FAM168A: variants seen among roughly 807,000 people sequenced by gnomAD.
FAM168A encodes the protein protein FAM168A.
In FAM168A, 3 loss-of-function variants were observed where a neutral mutation model predicts 28.5. That is an observed-to-expected ratio of 0.11 (90% confidence interval 0.05 to 0.27). The LOEUF is 0.27. Ranked by LOEUF, FAM168A falls within the 10% of genes least tolerant of loss-of-function variation. The probability of loss-of-function intolerance (pLI) is 1.00; values close to 1 mark genes in which losing one functional copy is unlikely to be tolerated. For synonymous variants in FAM168A, 122 were observed against 124.2 expected (o/e 0.98, Z 0.12); for missense variants, 222 against 311.5 (o/e 0.71, Z 2.16).
At chr11:73,497,007 T>G (rs1854903501) in intron 1 of FAM168A, among the ~76,000 whole-genome samples, 1 of 152,144 alleles carries the variant, frequency 6.6e-6, no homozygotes, top group African/African-American at 2.4e-5. Flanking sequence ...CCCACGTATT[T>G]TTGAAAAATG....
At chr11:73,475,677 C>G (rs1867878538) in intron 1 of FAM168A, among the ~76,000 whole-genome samples, 1 of 151,950 alleles carries the variant, frequency 6.6e-6, no homozygotes, top group Non-Finnish European at 1.5e-5. Flanking sequence ...TATGAAATGT[C>G]TATTCAAGAA....
intron 1 of FAM168A, among the ~76,000 whole-genome samples, chr11:73,585,523 T>TA (rs1353202522): frequency 6.6e-6 from 1 of 152,218 alleles, no homozygotes; most frequent in Non-Finnish European, 1.5e-5. Flanking sequence ...TTAAATTTCT[T>TA]AGACTACTAA....
At chr11:73,586,671 C>T (rs1160632120) in intron 1 of FAM168A, among the ~76,000 whole-genome samples, 1 of 152,194 alleles carries the variant, frequency 6.6e-6, no homozygotes, top group Non-Finnish European at 1.5e-5. Flanking sequence ...TCTGTCCAAT[C>T]ACAGTGAAAA....
At chr11:73,465,859 TA>T (rs1867726613) in intron 2 of FAM168A, among the ~76,000 whole-genome samples, 2 of 152,192 alleles carry the variant, frequency 1.3e-5, no homozygotes, top group Non-Finnish European at 2.9e-5. Context: ...GAACTAGTTA[TA>T]ACCACATTAT....
At chr11:73,501,985 C>T (rs1855017653) in intron 1 of FAM168A, among the ~76,000 whole-genome samples, 1 of 151,762 alleles carries the variant, frequency 6.6e-6, no homozygotes, top group Non-Finnish European at 1.5e-5. Flanking sequence ...CCTGTAGTCC[C>T]AGCTACTCAG....
chr11:73,569,841 TAAATAAATAAATAAATAAAC>T (rs1287088200), intron 1 of FAM168A, among the ~76,000 whole-genome samples: 2 of 148,006 alleles, frequency 1.4e-5, no homozygotes, highest in African/African-American at 5.2e-5. Flanking sequence ...AATAAATAAA[TAAATAAATAAATAAATAAAC>T]AAAATAGATG....
intron 1 of FAM168A, among the ~76,000 whole-genome samples, chr11:73,574,331 T>C (rs919412651): frequency 1.3e-5 from 2 of 152,144 alleles, no homozygotes; most frequent in African/African-American, 4.8e-5. Flanking sequence ...CCATGAAACT[T>C]AGCTAGTAAA....
In FAM168A at chr11:73,513,233, G is replaced by A. The variant is rs866199443; in HGVS notation, c.-18-44741C>T. On this transcript the variant is annotated intron_variant, in intron 1 of 7. Coordinates refer to ENST00000356467, the MANE Select transcript of FAM168A (RefSeq NM_015159.3). ...TTTTTTTTTTTTTTTTTTTTGAGAC[G>A]GAGTCTTGCTCTATCGCCCAGGCTG... Among the ~76,000 whole-genome samples the A allele has an allele frequency of 3.8e-5, 5 of 132,396 alleles. No individual in the cohort carries two copies. The East Asian group carries it at 6.4e-4, about 17-fold the overall frequency. 86.9% of individuals were successfully genotyped at this position (132,396 alleles called of 152,430 possible).
At chr11:73,418,323 T>C (rs144997230) in intron 4 of FAM168A, among the ~76,000 whole-genome samples, 1 of 152,256 alleles carries the variant, frequency 6.6e-6, no homozygotes, top group East Asian at 1.9e-4. Flanking sequence ...TGAGCTCTGA[T>C]TATTTAGAGT....
chr11:73,558,568 T>G (rs1450112206), intron 1 of FAM168A, among the ~76,000 whole-genome samples: 1 of 148,772 alleles, frequency 6.7e-6, no homozygotes, highest in East Asian at 1.9e-4. Flanking sequence ...ATCCGGACTA[T>G]ATAAGGAACT....
intron 1 of FAM168A, among the ~76,000 whole-genome samples, chr11:73,527,382 C>T (rs1467342912): frequency 6.6e-6 from 1 of 152,124 alleles, no homozygotes; most frequent in Non-Finnish European, 1.5e-5. Context: ...AAATAACTAC[C>T]TTTAATGATC....
At chr11:73,572,750 G>A (rs962540609) in intron 1 of FAM168A, among the ~76,000 whole-genome samples, 8 of 151,228 alleles carry the variant, frequency 5.3e-5, no homozygotes, top group Non-Finnish European at 8.9e-5. Flanking sequence ...GAAGGCCACA[G>A]GGTCCTCTGC....
intron 1 of FAM168A, among the ~76,000 whole-genome samples, chr11:73,473,526 T>C (rs1352554066): frequency 6.6e-6 from 1 of 152,208 alleles, no homozygotes; most frequent in Non-Finnish European, 1.5e-5. Context: ...CTGATGTGCC[T>C]ACCTCTCTGG....
intron 2 of FAM168A, among the ~76,000 whole-genome samples, chr11:73,460,475 A>T (rs1230276051): frequency 6.6e-6 from 1 of 151,666 alleles, no homozygotes; most frequent in African/African-American, 2.4e-5. Flanking sequence ...AATGATGATG[A>T]ATAATAAACA....
chr11:73,474,677 C>T (rs1867863532), intron 1 of FAM168A, among the ~76,000 whole-genome samples: 1 of 152,182 alleles, frequency 6.6e-6, no homozygotes, highest in Non-Finnish European at 1.5e-5. Context: ...CTTGTTTATT[C>T]TTTCCCCCAT....
chr11:73,566,616 T>C (rs2134713252), intron 1 of FAM168A, among the ~76,000 whole-genome samples: 1 of 152,312 alleles, frequency 6.6e-6, no homozygotes, highest in East Asian at 1.9e-4. Context: ...TCAGGAAATA[T>C]GTACACACTT....
intron 2 of FAM168A, among the ~76,000 whole-genome samples, chr11:73,447,725 T>C (rs56135026): frequency 0.062 from 9,375 of 151,822 alleles, 868 homozygotes; most frequent in African/African-American, 0.2. Flanking sequence ...CTTTCTCCCT[T>C]TCTAATCCCT....
intron 2 of FAM168A, among the ~76,000 whole-genome samples, chr11:73,456,670 C>T (rs1411384279): frequency 6.6e-6 from 1 of 152,324 alleles, no homozygotes; most frequent in African/African-American, 2.4e-5. Flanking sequence ...TGCTATTCTG[C>T]CTTTGTCCAT....
At chr11:73,479,704 C>A (rs1867941733) in intron 1 of FAM168A, among the ~76,000 whole-genome samples, 1 of 152,070 alleles carries the variant, frequency 6.6e-6, no homozygotes. Context: ...AATTTGCTTG[C>A]CCAATTATTT....
Sources: allele counts gnomAD v4.1 joint callset (sites outside exome capture counted in the v4.1 genomes callset), GRCh38; gene constraint gnomAD v4.1.1; transcripts MANE v1.5; gene names NCBI Gene and HGNC (gene_info 2026-07-23, HGNC 2026-07-21).